Variants in PLXDC2 observed in about 807,000 individuals in gnomAD.
The protein encoded by PLXDC2 is plexin domain containing 2.
PLXDC2 carries 40 observed loss-of-function variants against 68.9 expected under a neutral mutation model. That is an observed-to-expected ratio of 0.58 (90% confidence interval 0.45 to 0.76). The LOEUF is 0.76. PLXDC2 is among the 30% of genes least tolerant of loss of function. The pLI is 0.00. For missense variants in PLXDC2, 644 were observed against 661.9 expected, an observed-to-expected ratio of 0.97 and a Z score of 0.30; for synonymous variants, 243 against 234.2, an observed-to-expected ratio of 1.04 and a Z score of -0.34.
intron 4 of PLXDC2, among the ~76,000 whole-genome samples, chr10:20,115,611 G>A (rs1363781944): frequency 2.0e-5 from 3 of 152,062 alleles, no homozygotes; most frequent in South Asian, 2.1e-4. Flanking sequence ...TTTGACAATG[G>A]CAATGTAAGA....
chr10:19,933,417 C>T (rs889628880), intron 1 of PLXDC2, among the ~76,000 whole-genome samples: 2 of 151,910 alleles, frequency 1.3e-5, no homozygotes, highest in Non-Finnish European at 2.9e-5. Flanking sequence ...GGGTGGATCA[C>T]GAGGTCAGGA....
intron 13 of PLXDC2, among the ~76,000 whole-genome samples, chr10:20,270,066 G>T (rs997534354): frequency 3.3e-5 from 5 of 151,212 alleles, no homozygotes; most frequent in African/African-American, 1.2e-4. Context: ...AAAGAAGTGG[G>T]AGTTTAAAAT....
intron 1 of PLXDC2, among the ~76,000 whole-genome samples, chr10:19,819,862 T>A (rs1836430559): frequency 6.6e-6 from 1 of 152,234 alleles, no homozygotes; most frequent in African/African-American, 2.4e-5. Context: ...CACTAAAGTT[T>A]CTGTTTACAT....
chr10:20,098,026 A>G (rs1833374041), intron 4 of PLXDC2, among the ~76,000 whole-genome samples: 1 of 151,194 alleles, frequency 6.6e-6, no homozygotes, highest in Admixed American at 6.6e-5. Context: ...GAGACTAACT[A>G]TATGGCGGAT....
chr10:20,183,788 T>C (rs1834640613), intron 9 of PLXDC2, among the ~76,000 whole-genome samples: 1 of 152,004 alleles, frequency 6.6e-6, no homozygotes, highest in South Asian at 2.1e-4. Context: ...TGGCTGTTAC[T>C]ATCCACTGGG....
At chr10:19,975,229 C>T (rs1420611785) in intron 1 of PLXDC2, among the ~76,000 whole-genome samples, 2 of 151,806 alleles carry the variant, frequency 1.3e-5, no homozygotes, top group African/African-American at 2.4e-5. Context: ...CTGAGGCGGG[C>T]GGATCACGAG....
chr10:19,946,671 T>C (rs1296143168), intron 1 of PLXDC2, among the ~76,000 whole-genome samples: 1 of 151,902 alleles, frequency 6.6e-6, no homozygotes, highest in African/African-American at 2.4e-5. Flanking sequence ...TGGGGATGAT[T>C]CAAACACATT....
chr10:20,220,476 T>C (rs928236985), intron 12 of PLXDC2, among the ~76,000 whole-genome samples: 2 of 152,184 alleles, frequency 1.3e-5, no homozygotes, highest in African/African-American at 2.4e-5. Flanking sequence ...TTTCTATGCT[T>C]TCTCTCTCCT....
At chr10:20,021,012 C>G (rs1026741232) in intron 2 of PLXDC2, among the ~76,000 whole-genome samples, 5 of 152,150 alleles carry the variant, frequency 3.3e-5, no homozygotes, top group South Asian at 2.1e-4. Flanking sequence ...TAGCAAACAA[C>G]TGGTCACAGT....
Position 20,037,467 on chromosome 10 carries a change from G to A in PLXDC2, c.325-9402G>A, listed in dbSNP as rs143561022. On this transcript the variant is annotated intron_variant, in intron 2 of 13. Coordinates refer to ENST00000377252, the MANE Select transcript of PLXDC2 (RefSeq NM_032812.9). Reference sequence around the variant, plus strand: ...GTTGGTGTGCTGCACTCATTAACTCGTGATTTACATTAGGTATATCTCCTA... The same window carrying A: ...GTTGGTGTGCTGCACTCATTAACTCATGATTTACATTAGGTATATCTCCTA... Among the ~76,000 whole-genome samples the A allele has an allele frequency of 7.2e-5, 11 of 151,868 alleles. No individual in the cohort carries two copies. In the East Asian group the frequency reaches 1.9e-3, roughly 27 times the overall value.
intron 6 of PLXDC2, among the ~76,000 whole-genome samples, chr10:20,161,274 G>A (rs1220688124): frequency 6.6e-6 from 1 of 151,808 alleles, no homozygotes; most frequent in Non-Finnish European, 1.5e-5. Context: ...GTTATCTGGT[G>A]GACTGGCTGG....
At position 20,147,675 on chromosome 10, in the gene PLXDC2, A is replaced by G. The variant is rs1834097536; in HGVS notation, c.665-109A>G. ...AACCACATAAAATCGAAATAGTACAACTACCAGATTTGAAGGCCAGATGCA... is the reference window on the plus strand; with the variant it reads ...AACCACATAAAATCGAAATAGTACAGCTACCAGATTTGAAGGCCAGATGCA... On this transcript the variant is annotated intron_variant, in intron 5 of 13. Coordinates refer to ENST00000377252, the MANE Select transcript of PLXDC2 (RefSeq NM_032812.9). 7.7e-6 allele frequency: 5 copies of G among 653,066 alleles called. No individual in the cohort carries two copies. In the South Asian group the frequency reaches 1.1e-4, roughly 14 times the overall value. 40.5% of individuals were successfully genotyped at this position (653,066 alleles called of 1,614,324 possible).
chr10:19,989,071 A>T lies in PLXDC2; in HGVS notation c.113-12704A>T, dbSNP rs187822190. 4.4e-3 allele frequency among the ~76,000 whole-genome samples: 664 copies of T among 152,216 alleles called. 2 individuals carry two copies. Among genetic ancestry groups the T allele is most frequent in the Non-Finnish European group, 7.4e-3 (502 of 68,000 alleles). ...AGGCTTGGCCTCCCAAAGTGCTGGG[A>T]TTACAGGCATGAGCCACCGCACCTG... On this transcript the variant is annotated intron_variant, in intron 1 of 13. Coordinates refer to ENST00000377252, the MANE Select transcript of PLXDC2 (RefSeq NM_032812.9).
chr10:20,158,677 A>G (rs1054650093), intron 6 of PLXDC2, among the ~76,000 whole-genome samples: 16 of 143,094 alleles, frequency 1.1e-4, no homozygotes, highest in African/African-American at 4.0e-4. Flanking sequence ...AAATAAGTAA[A>G]TAAATAAATA....
intron 1 of PLXDC2, among the ~76,000 whole-genome samples, chr10:19,916,800 C>A (rs556223678): frequency 1.1e-4 from 16 of 152,148 alleles, no homozygotes; most frequent in African/African-American, 3.9e-4. Context: ...CTGGAGTAAT[C>A]GTCATAGTTA....
At chr10:20,027,689 C>T (rs1463974205) in intron 2 of PLXDC2, among the ~76,000 whole-genome samples, 1 of 80,204 alleles carries the variant, frequency 1.2e-5, no homozygotes, top group Admixed American at 1.5e-4. Context: ...GCTGGGACAA[C>T]CTGAAAAAAA....
chr10:20,025,260 T>A (rs572312599), intron 2 of PLXDC2, among the ~76,000 whole-genome samples: 1 of 94,334 alleles, frequency 1.1e-5, no homozygotes, highest in South Asian at 2.8e-4. Flanking sequence ...CATCTATTGT[T>A]TTTTCGACTT....
chr10:20,218,512 C>A (rs1835169177), intron 11 of PLXDC2, among the ~76,000 whole-genome samples: 1 of 152,030 alleles, frequency 6.6e-6, no homozygotes, highest in East Asian at 1.9e-4. Flanking sequence ...TAAACCCTAC[C>A]CTTTAGAGTG....
Position 19,841,556 on chromosome 10 carries a change from T to A in PLXDC2, c.112+24365T>A, listed in dbSNP as rs555922141. Among the ~76,000 whole-genome samples the A allele has an allele frequency of 3.1e-3, 426 of 139,406 alleles. 10 individuals are homozygous for A. In the East Asian group the frequency reaches 0.066, roughly 21 times the overall value. The allele number at this position is 139,406 out of a possible 152,430, so 91.5% of individuals were successfully genotyped here. On this transcript the variant is annotated intron_variant, in intron 1 of 13. Transcript: ENST00000377252. Reference sequence around the variant, plus strand: ...TTCAGGGTTTTTTTTTTTTTTTTTTTAAGTGTTGCCTATCTGTCTATCTAT... The same window carrying A: ...TTCAGGGTTTTTTTTTTTTTTTTTTAAAGTGTTGCCTATCTGTCTATCTAT...
Sources: allele counts gnomAD v4.1 joint callset (sites outside exome capture counted in the v4.1 genomes callset), GRCh38; gene constraint gnomAD v4.1.1; transcripts MANE v1.5; gene names NCBI Gene and HGNC (gene_info 2026-07-23, HGNC 2026-07-21).